LHB: variants seen among roughly 807,000 people sequenced by gnomAD.
The protein encoded by LHB is lutropin subunit beta.
A neutral mutation model predicts 10.6 loss-of-function variants in LHB; 11 were observed. The ratio of observed to expected loss-of-function variants is 1.04; its 90% CI spans 0.66 to 1.72. The LOEUF is 1.72. Ranked by LOEUF, LHB falls within the 40% of genes most tolerant of loss-of-function variation. LHB has a pLI of 0.00. For synonymous variants in LHB, 86 were observed against 83.1 expected (o/e 1.03, Z -0.19); for missense variants, 184 against 197.3 (o/e 0.93, Z 0.41).
At position 49,016,210 on chromosome 19, in the gene LHB, C is replaced by T. The variant is rs766619478; in HGVS notation, c.284G>A (p.Gly95Asp). 1 of 1,612,464 alleles carries T rather than the reference C, an allele frequency of 6.2e-7. No homozygotes were observed. Among genetic ancestry groups the T allele is most frequent in the Non-Finnish European group, 8.5e-7 (1 of 1,179,888 alleles). The change falls in exon 3 of 3, where the codon GGT becomes GAT. Residue 95 changes from glycine (G) to aspartate (D), a missense_variant. By Grantham distance (94) the Gly-to-Asp change is moderately conservative (BLOSUM62 -1). Coordinates refer to ENST00000649238, the MANE Select transcript of LHB (RefSeq NM_000894.3). ...AGGGAAGGAGACCACGGGGTCCACA[C>T]CACGCGGGCAGCCAGGGAGCCGGAT... is the stretch of plus-strand genomic sequence containing the variant. ...ESIRLPGCPRGVDPVVSFPVA... is the reference protein window; with the variant it reads ...ESIRLPGCPRDVDPVVSFPVA...
chr19:49,017,062 C>G lies in LHB; in HGVS notation c.15+5G>C. 6.2e-7 allele frequency: 1 copy of G among 1,613,846 alleles called. No homozygotes were observed. The highest frequency in any genetic ancestry group is 8.5e-7 in the Non-Finnish European group (1 of 1,179,862). ...GGAAGGTGCCCAGGGGCCCTGTAGT[C>G]TTACCTGGAGCATCTCCATCCTTGG... is the stretch of plus-strand genomic sequence containing the variant. On this transcript the variant is annotated splice_donor_5th_base_variant and intron_variant, in intron 1 of 2. Coordinates refer to ENST00000649238, the MANE Select transcript of LHB (RefSeq NM_000894.3).
Position 49,016,649 on chromosome 19 carries a change from T to C in LHB, c.81A>G (p.Pro27=), listed in dbSNP as rs374140759. The part of the protein sequence containing the change: ...GAWASREPLR[P]WCHPINAILA... ...GGATGGCATTGATGGGGTGGCACCA[T>C]GGCCGAAGCGGCTCCCTGGATGCCC... The change falls in exon 2 of 3, where the codon CCA becomes CCG. Residue 27 remains proline (P), a synonymous_variant. Transcript: ENST00000649238. 1.2e-6 allele frequency: 2 copies of C among 1,612,158 alleles called. No individual in the cohort carries two copies. Among genetic ancestry groups the C allele is most frequent in the South Asian group, 2.2e-5 (2 of 91,002 alleles).
chr19:49,016,125 G>A lies in LHB; in HGVS notation c.369C>T (p.Pro123=), dbSNP rs575749991. 6.2e-7 allele frequency: 1 copy of A among 1,612,926 alleles called. No individual in the cohort carries two copies. Among genetic ancestry groups the A allele is most frequent in the Admixed American group, 1.7e-5 (1 of 60,018 alleles). ...GGTCACAGGTCAAGGGGTGGTCTTT[G>A]GGACCCCCACAGTCAGAGGTGCTGC... ...CRRSTSDCGG[P]KDHPLTCDHP... The change falls in exon 3 of 3, where the codon CCC becomes CCT. Residue 123 remains proline, a synonymous_variant. Coordinates refer to ENST00000649238, the MANE Select transcript of LHB (RefSeq NM_000894.3).
chr19:49,019,138 G>C (rs2122685379), upstream of LHB: 1 of 1,416,426 alleles, frequency 7.1e-7, no homozygotes, highest in Non-Finnish European at 9.2e-7. Context: ...CCCGCCCCAG[G>C]GTTAGAGCCC....
chr19:49,017,604 T>A (rs1425896659), upstream of LHB: 2 of 1,068,456 alleles, frequency 1.9e-6, no homozygotes, highest in Non-Finnish European at 2.3e-6. Context: ...CAAGGAGGGA[T>A]TAAGCCCGAG....
At chr19:49,016,948 T>C (rs1190569774) in intron 1 of LHB, 119 bp downstream of exon 1, 2 of 1,608,668 alleles carry the variant, frequency 1.2e-6, no homozygotes, top group Non-Finnish European at 1.7e-6. Flanking sequence ...TGAAGCTTAC[T>C]GGGGGTCATG....
At chr19:49,018,671 G>A (rs2039594880), upstream of LHB, among the ~76,000 whole-genome samples, 1 of 152,024 alleles carries the variant, frequency 6.6e-6, no homozygotes, top group Non-Finnish European at 1.5e-5. Context: ...CCCTACCGCG[G>A]TTCCTGAGAG....
At position 49,016,658 on chromosome 19, in the gene LHB, C is replaced by T. The variant is rs1189284620; in HGVS notation, c.72G>A (p.Pro24=). The change falls in exon 2 of 3, where the codon CCG becomes CCA. Residue 24 remains proline, a synonymous_variant. Coordinates refer to ENST00000649238, the MANE Select transcript of LHB (RefSeq NM_000894.3). ...TGATGGGGTGGCACCATGGCCGAAG[C>T]GGCTCCCTGGATGCCCATGCCCCGC... is the stretch of plus-strand genomic sequence containing the variant. The part of the protein sequence containing the change: ...SMGGAWASRE[P]LRPWCHPINA... The T allele has an allele frequency of 1.7e-5, 28 of 1,612,078 alleles. No individual in the cohort carries two copies. Among genetic ancestry groups the T allele is most frequent in the Non-Finnish European group, 2.2e-5 (26 of 1,179,832 alleles).
intron 2 of LHB, 92 bp downstream of exon 2, chr19:49,016,455 G>C (rs1336183671): frequency 6.2e-7 from 1 of 1,602,862 alleles, no homozygotes; most frequent in Non-Finnish European, 8.5e-7. Flanking sequence ...CCCAACCGCA[G>C]GCCAGAGAGG....
intron 2 of LHB, 93 bp downstream of exon 2, chr19:49,016,454 A>T (rs1195133010): frequency 3.7e-6 from 6 of 1,602,230 alleles, no homozygotes; most frequent in East Asian, 2.2e-5. Context: ...CCCCAACCGC[A>T]GGCCAGAGAG....
chr19:49,018,792 G>A, upstream of LHB: 1 of 1,245,562 alleles, frequency 8.0e-7, no homozygotes, highest in East Asian at 2.5e-5. Context: ...TCAGGGAATG[G>A]GAGCCAGCCC....
chr19:49,018,026 G>A (rs1201699306), upstream of LHB: 9 of 398,596 alleles, frequency 2.3e-5, no homozygotes, highest in Admixed American at 3.5e-4. Context: ...GTAGGCTTTC[G>A]GCACGCTGTA....
chr19:49,016,048 G>A lies in LHB; in HGVS notation c.*20C>T, dbSNP rs1328065886. The A allele has an allele frequency of 2.5e-6, 4 of 1,613,744 alleles. No homozygotes were observed. In the African/African-American group the frequency reaches 4.0e-5, roughly 16 times the overall value. ...GGCTCCAGGAGTCGGGATGGACTTG[G>A]AAGGCTGCGGGGAGGGTCTTTAGAG... On this transcript the variant is annotated 3_prime_UTR_variant, in exon 3 of 3. Coordinates refer to ENST00000649238, the MANE Select transcript of LHB (RefSeq NM_000894.3).
At chr19:49,019,291 T>A, upstream of LHB, 1 of 1,196,000 alleles carries the variant, frequency 8.4e-7, no homozygotes, top group Non-Finnish European at 1.0e-6. Context: ...ACCTCCCTGG[T>A]TCCGCTCTGT....
upstream of LHB, chr19:49,019,385 C>T (rs1276049385): frequency 6.4e-6 from 8 of 1,251,482 alleles, no homozygotes; most frequent in Middle Eastern, 3.0e-4. Flanking sequence ...TCCCACCTGA[C>T]CCCGTCTCAG....
chr19:49,018,872 C>G, upstream of LHB: 1 of 1,533,724 alleles, frequency 6.5e-7, no homozygotes, highest in Non-Finnish European at 8.7e-7. Context: ...GCCCGGCTTA[C>G]TTGGGATAGA....
intron 2 of LHB, 65 bp from the exon 3 acceptor site, chr19:49,016,375 A>G: frequency 1.9e-6 from 3 of 1,603,282 alleles, no homozygotes; most frequent in Non-Finnish European, 2.5e-6. Context: ...TGAGCTCCCA[A>G]GCTGACCCCA....
At chr19:49,016,875 A>G in intron 1 of LHB, 161 bp from the exon 2 acceptor site, 1 of 1,576,834 alleles carries the variant, frequency 6.3e-7, no homozygotes, top group South Asian at 1.1e-5. Context: ...AGCCCACCCC[A>G]CAGCCCAGAG....
Position 49,016,013 on chromosome 19 carries a change from G to C in LHB, c.*55C>G, listed in dbSNP as rs747317735. 2.5e-6 allele frequency: 4 copies of C among 1,614,102 alleles called. No homozygotes were observed. Among genetic ancestry groups the C allele is most frequent in the Middle Eastern group, 1.7e-4 (1 of 5,990 alleles). ...GAGAAGCCTTTATTGTGGGAGGATC[G>C]GGGTGTCAGGGCTCCAGGAGTCGGG... On this transcript the variant is annotated 3_prime_UTR_variant, in exon 3 of 3. Transcript: ENST00000649238.
Sources: gnomAD v4.1 joint callset for allele counts (sites outside exome capture counted in the v4.1 genomes callset) on GRCh38, gnomAD v4.1.1 for gene constraint, MANE v1.5 for transcripts, NCBI Gene and HGNC (gene_info 2026-07-23, HGNC 2026-07-21) for gene names.